Variants in NLRP14 observed in about 807,000 individuals in gnomAD.
NLRP14 encodes NLR family pyrin domain containing 14.
In NLRP14, 105 loss-of-function variants were observed where a neutral mutation model predicts 94.7. The observed-to-expected ratio is 1.11, with a 90% CI of 0.95 to 1.30. The LOEUF is 1.30. NLRP14 is among the 50% of genes most tolerant of loss of function. The pLI is 0.00. For missense variants in NLRP14, 1,362 were observed against 1,254.1 expected, an observed-to-expected ratio of 1.09 and a Z score of -1.30; for synonymous variants, 508 against 459.9, an observed-to-expected ratio of 1.10 and a Z score of -1.34.
downstream of NLRP14, among the ~76,000 whole-genome samples, chr11:7,072,737 C>T (rs1418446200): frequency 6.6e-6 from 1 of 152,190 alleles, no homozygotes; most frequent in Non-Finnish European, 1.5e-5. Flanking sequence ...TCAAAGTCCA[C>T]CATCTTGCTC....
intron 10 of NLRP14, among the ~76,000 whole-genome samples, chr11:7,070,032 C>T (rs1012075783): frequency 3.3e-5 from 5 of 152,230 alleles, no homozygotes; most frequent in South Asian, 2.1e-4. Context: ...TATTTTGTAA[C>T]GTGCTTGCAT....
At chr11:7,045,797 C>T (rs1852339147) in intron 4 of NLRP14, among the ~76,000 whole-genome samples, 1 of 151,658 alleles carries the variant, frequency 6.6e-6, no homozygotes, top group South Asian at 2.1e-4. Context: ...ACTAGGAACA[C>T]TTATAGCATG....
In NLRP14 at chr11:7,049,675, A is replaced by G. The variant is rs1327964911; in HGVS notation, c.2128A>G (p.Lys710Glu). 2.5e-6 allele frequency: 4 copies of G among 1,611,258 alleles called. No homozygotes were observed. Among genetic ancestry groups the G allele is most frequent in the Non-Finnish European group, 3.4e-6 (4 of 1,177,560 alleles). Reference sequence around the variant, plus strand: ...CTGCATATTTTTCTTCTGAAGGTTGAAATTTATCACTTTCCCTGATGGTTG... The same window carrying G: ...CTGCATATTTTTCTTCTGAAGGTTGGAATTTATCACTTTCCCTGATGGTTG... ...PNCKLQKLLL[K>E]FITFPDGCQD... Residue 710 changes from lysine to glutamate, a missense_variant, in exon 6 of 12, where the codon AAA (lysine) becomes GAA (glutamate). Lys to Glu is a moderately conservative substitution (Grantham distance 56, BLOSUM62 1). Transcript: ENST00000299481.
At chr11:7,060,151 C>G (rs1191288395) in intron 9 of NLRP14, 87 bp downstream of exon 9, 2 of 1,186,724 alleles carry the variant, frequency 1.7e-6, no homozygotes, top group African/African-American at 1.5e-5. Context: ...AACCGAGCAT[C>G]TATCAGAGAA....
chr11:7,044,700 A>G (rs1322942572), intron 4 of NLRP14, among the ~76,000 whole-genome samples: 1 of 152,208 alleles, frequency 6.6e-6, no homozygotes, highest in Non-Finnish European at 1.5e-5. Flanking sequence ...GAACTATGGA[A>G]TTCATTCCCA....
chr11:7,038,456 C>T, intron 1 of NLRP14, 110 bp from the exon 2 acceptor site: 1 of 900,378 alleles, frequency 1.1e-6, no homozygotes, highest in South Asian at 1.5e-5. Flanking sequence ...CAGTGGGCTT[C>T]TGCAAATGTT....
chr11:7,035,656 C>G lies in NLRP14; in HGVS notation c.-21-2910C>G, dbSNP rs368518673. 9.2e-5 allele frequency among the ~76,000 whole-genome samples: 14 copies of G among 152,304 alleles called. No individual in the cohort carries two copies. In the East Asian group the frequency reaches 1.2e-3, roughly 13 times the overall value. ...GGACTATATGAAAAGGGTGGAAACACCTGGCTTCCTAGGTCAAATCTTACC... is the reference window on the plus strand; with the variant it reads ...GGACTATATGAAAAGGGTGGAAACAGCTGGCTTCCTAGGTCAAATCTTACC... On this transcript the variant is annotated intron_variant, in intron 1 of 11. Coordinates refer to ENST00000299481, the MANE Select transcript of NLRP14 (RefSeq NM_176822.4).
chr11:7,066,096 T>A (rs1852702086), intron 10 of NLRP14, among the ~76,000 whole-genome samples: 1 of 152,238 alleles, frequency 6.6e-6, no homozygotes, highest in Non-Finnish European at 1.5e-5. Context: ...ATTTTCTTTA[T>A]CCAGTCTATC....
chr11:7,062,204 A>G (rs1402227947), intron 9 of NLRP14, 129 bp from the exon 10 acceptor site: 5 of 763,372 alleles, frequency 6.5e-6, no homozygotes, highest in African/African-American at 3.5e-5. Flanking sequence ...AGACCCTCCC[A>G]TGTATGTCCT....
the NLRP14 span, among the ~76,000 whole-genome samples, chr11:7,078,047 A>C: frequency 6.6e-6 from 1 of 152,218 alleles, no homozygotes; most frequent in Non-Finnish European, 1.5e-5. Context: ...GAATGTACTT[A>C]ACACTACTGG....
the NLRP14 span, among the ~76,000 whole-genome samples, chr11:7,080,096 T>C: frequency 9.9e-5 from 15 of 152,156 alleles, no homozygotes; most frequent in Admixed American, 9.8e-4. Flanking sequence ...ACAAGGAAAC[T>C]TCAGCAAGCT....
At chr11:7,051,783 C>T (rs1279144185) in intron 6 of NLRP14, among the ~76,000 whole-genome samples, 14 of 152,032 alleles carry the variant, frequency 9.2e-5, no homozygotes, top group Admixed American at 6.6e-4. Flanking sequence ...CCACCATGCC[C>T]GGCTTATTTT....
chr11:7,037,988 A>G (rs1395212850), intron 1 of NLRP14, among the ~76,000 whole-genome samples: 1 of 152,136 alleles, frequency 6.6e-6, no homozygotes, highest in Non-Finnish European at 1.5e-5. Context: ...CAGTAATTAT[A>G]TATGTATTTA....
intron 10 of NLRP14, among the ~76,000 whole-genome samples, chr11:7,069,571 C>A (rs1321870810): frequency 6.6e-6 from 1 of 152,172 alleles, no homozygotes; most frequent in Non-Finnish European, 1.5e-5. Context: ...CATGTAATTG[C>A]ATTTTTATTT....
chr11:7,070,896 ATT>A (rs1852785043), intron 11 of NLRP14, among the ~76,000 whole-genome samples: 1 of 152,188 alleles, frequency 6.6e-6, no homozygotes. Context: ...AGTAATATTA[ATT>A]TTGCTTGGAT....
At position 7,059,922 on chromosome 11, in the gene NLRP14, A is replaced by T. The variant is rs1197484839; in HGVS notation, c.2662A>T (p.Ser888Cys). The change falls in exon 9 of 12, where the codon AGC becomes TGC. Residue 888 changes from serine (S) to cysteine (C), a missense_variant. By Grantham distance (112) the Ser-to-Cys change is moderately radical (BLOSUM62 -1). Coordinates refer to ENST00000299481, the MANE Select transcript of NLRP14 (RefSeq NM_176822.4). ...VLRRCHFTSL[S>C]SEYLSTSLLH... ...GAGGCGTTGCCATTTCACTTCACTT[A>T]GCAGTGAATATCTGTCAACTTCTCT... is the stretch of plus-strand genomic sequence containing the variant. 2.5e-6 allele frequency: 4 copies of T among 1,611,960 alleles called. No individual in the cohort carries two copies. The African/African-American group carries it at 5.3e-5, about 22-fold the overall frequency.
At chr11:7,029,304 T>C (rs1852059438) in intron 1 of NLRP14, among the ~76,000 whole-genome samples, 1 of 152,356 alleles carries the variant, frequency 6.6e-6, no homozygotes, top group African/African-American at 2.4e-5. Context: ...ATTTAAAGTA[T>C]ATTAACAGCA....
At chr11:7,038,056 T>C (rs557367195) in intron 1 of NLRP14, among the ~76,000 whole-genome samples, 1 of 152,200 alleles carries the variant, frequency 6.6e-6, no homozygotes, top group East Asian at 1.9e-4. Flanking sequence ...ATTGCATGTG[T>C]TTGTTGAGTA....
At chr11:7,031,194 A>G (rs1333785332) in intron 1 of NLRP14, among the ~76,000 whole-genome samples, 2 of 151,948 alleles carry the variant, frequency 1.3e-5, no homozygotes, top group African/African-American at 2.4e-5. Flanking sequence ...TGGCGCTTAT[A>G]CCCTTTGCCA....
Sources: gnomAD v4.1 joint callset for allele counts (sites outside exome capture counted in the v4.1 genomes callset) on GRCh38, gnomAD v4.1.1 for gene constraint, MANE v1.5 for transcripts, NCBI Gene and HGNC (gene_info 2026-07-23, HGNC 2026-07-21) for gene names.